FAM169A: variants seen among roughly 807,000 people sequenced by gnomAD.
FAM169A encodes family with sequence similarity 169 member A, also known as soluble lamin-associated protein of 75 kDa.
Under a neutral mutation model 75.7 loss-of-function variants are expected in FAM169A, and 24 were observed. The observed-to-expected ratio is 0.32, with a 90% CI of 0.23 to 0.45. FAM169A has a LOEUF of 0.45. FAM169A is among the 20% of genes least tolerant of loss of function. FAM169A has a pLI of 1.00. For missense variants in FAM169A, 673 were observed against 784.0 expected (o/e 0.86, Z 1.69); for synonymous variants, 271 against 271.0 (o/e 1.00, Z 0.00).
At chr5:74,804,737 G>A (rs949018528) in intron 7 of FAM169A, 132 bp from the exon 8 acceptor site, 3 of 538,772 alleles carry the variant, frequency 5.6e-6, no homozygotes, top group African/African-American at 3.8e-5. Context: ...GGTGTGAGAT[G>A]TTCTCTTCAC....
intron 4 of FAM169A, among the ~76,000 whole-genome samples, chr5:74,834,926 C>G (rs1221870871): frequency 6.6e-6 from 1 of 151,510 alleles, no homozygotes; most frequent in African/African-American, 2.4e-5. Flanking sequence ...CTGCCCAGAT[C>G]CAGGGTCTTA....
rs1333118040 is a variant in FAM169A at position 74,805,203 on chromosome 5, C to T, written c.752G>A (p.Arg251Gln). Residue 251 changes from arginine to glutamine, a missense_variant, in exon 7 of 13, where the codon CGA becomes CAA. Transcript: ENST00000687041. ...TTGTAATGCTCTGGTGACTGGTATT[C>T]GCTGGTACCAGTGTCCAACACCTTC... ...EVEGVGHWYQ[R>Q]IPVTRALQRE... is the part of the protein sequence containing the mutation. The T allele has an allele frequency of 6.2e-6, 10 of 1,611,342 alleles. No homozygotes were observed. The highest frequency in any genetic ancestry group is 1.7e-5 in the Admixed American group (1 of 59,988).
In FAM169A at chr5:74,814,843, G is replaced by A. The variant is rs144307155; in HGVS notation, c.491-824C>T. Reference sequence around the variant, plus strand: ...AACGTGGTGGTGTGTCATACTTCCTGTTAATTTTAGAATTCATAGTTATCA... The same window carrying A: ...AACGTGGTGGTGTGTCATACTTCCTATTAATTTTAGAATTCATAGTTATCA... On this transcript the variant is annotated intron_variant, in intron 5 of 12. Coordinates refer to ENST00000687041, the MANE Select transcript of FAM169A (RefSeq NM_001376049.1). Among the ~76,000 whole-genome samples, 205 of 152,192 alleles carry A rather than the reference G, an allele frequency of 1.3e-3. 1 individual carries two copies. Among genetic ancestry groups the A allele is most frequent in the African/African-American group, 4.8e-3 (201 of 41,538 alleles).
intron 10 of FAM169A, 122 bp from the exon 11 acceptor site, chr5:74,796,308 A>C: frequency 4.7e-6 from 4 of 848,638 alleles, no homozygotes; most frequent in Non-Finnish European, 3.5e-6. Flanking sequence ...TTCAGATTTT[A>C]CAAGTCTAAA....
At chr5:74,828,443 G>C (rs574491847) in intron 5 of FAM169A, among the ~76,000 whole-genome samples, 1 of 152,058 alleles carries the variant, frequency 6.6e-6, no homozygotes, top group South Asian at 2.1e-4. Flanking sequence ...TTTGTAAAAT[G>C]GGAGAAGGAA....
intron 11 of FAM169A, among the ~76,000 whole-genome samples, chr5:74,786,921 C>G (rs1745725097): frequency 6.6e-6 from 1 of 152,158 alleles, no homozygotes; most frequent in African/African-American, 2.4e-5. Flanking sequence ...GCTGGGGACA[C>G]AGAGCTTGTA....
intron 5 of FAM169A, among the ~76,000 whole-genome samples, chr5:74,817,992 T>C (rs1187117112): frequency 2.0e-5 from 3 of 152,194 alleles, no homozygotes; most frequent in African/African-American, 7.2e-5. Flanking sequence ...TAGAATCATA[T>C]ACAAATTTTA....
chr5:74,815,335 G>A (rs575162751), intron 5 of FAM169A, among the ~76,000 whole-genome samples: 25 of 151,744 alleles, frequency 1.6e-4, no homozygotes, highest in South Asian at 8.3e-4. Flanking sequence ...GATTACAGGC[G>A]CCCGCCACCA....
intron 11 of FAM169A, among the ~76,000 whole-genome samples, chr5:74,787,037 A>G (rs149369634): frequency 1.6e-4 from 25 of 152,214 alleles, no homozygotes; most frequent in African/African-American, 5.3e-4. Flanking sequence ...TAGACCTATA[A>G]CTGGACTAAA....
rs537088774 is a variant in FAM169A at position 74,786,765 on chromosome 5, A to G, written c.1261-3631T>C. On this transcript the variant is annotated intron_variant, in intron 11 of 12. Transcript: ENST00000687041. ...GCTGAAATTGTGGAAAATCAGACACAACCTCTTATCATGTAAGTGGCTGAC... is the reference window on the plus strand; with the variant it reads ...GCTGAAATTGTGGAAAATCAGACACGACCTCTTATCATGTAAGTGGCTGAC... Among the ~76,000 whole-genome samples the G allele has an allele frequency of 2.0e-5, 3 of 152,304 alleles. No individual in the cohort carries two copies. The East Asian group carries it at 5.8e-4, about 29-fold the overall frequency.
In FAM169A at chr5:74,804,574, C is replaced by A; in HGVS notation, c.831G>T (p.Met277Ile). 1.2e-6 allele frequency: 2 copies of A among 1,610,094 alleles called. No individual in the cohort carries two copies. Among genetic ancestry groups the A allele is most frequent in the Non-Finnish European group, 8.5e-7 (1 of 1,177,462 alleles). ...ALSQNEPKRP[M>I]SGEYGPASVP... ...CAGATGCAGGACCATATTCTCCAGA[C>A]ATAGGTCTTTTAGGTTCATTTTGAG... Residue 277 changes from methionine to isoleucine, a missense_variant, in exon 8 of 13, where the codon ATG becomes ATT. Met to Ile is a conservative substitution (Grantham distance 10). Coordinates refer to ENST00000687041, the MANE Select transcript of FAM169A (RefSeq NM_001376049.1).
upstream of FAM169A, chr5:74,866,398 C>A (rs568322431): frequency 6.1e-6 from 6 of 982,764 alleles, no homozygotes; most frequent in Non-Finnish European, 7.2e-6. Context: ...AGCGCCGCAG[C>A]GCCTCCAGCC....
intron 2 of FAM169A, 64 bp downstream of exon 2, chr5:74,841,481 G>T (rs986555752): frequency 1.6e-6 from 2 of 1,236,806 alleles, no homozygotes; most frequent in East Asian, 2.6e-5. Context: ...TTTAAAAAAG[G>T]ATATTTATTT....
At chr5:74,788,824 A>C (rs1745827682) in intron 11 of FAM169A, among the ~76,000 whole-genome samples, 2 of 152,108 alleles carry the variant, frequency 1.3e-5, no homozygotes, top group Non-Finnish European at 2.9e-5. Flanking sequence ...CCATCACATC[A>C]CGGTTCAACT....
chr5:74,847,732 G>A (rs956205270), intron 1 of FAM169A, among the ~76,000 whole-genome samples: 1 of 152,154 alleles, frequency 6.6e-6, no homozygotes, highest in Non-Finnish European at 1.5e-5. Context: ...TCAAAGGCAA[G>A]TAGAATATCA....
intron 1 of FAM169A, among the ~76,000 whole-genome samples, chr5:74,845,211 C>T (rs1031617508): frequency 1.3e-5 from 2 of 152,010 alleles, no homozygotes; most frequent in African/African-American, 2.4e-5. Context: ...AAGTTAAGTC[C>T]TAAGGACTTT....
At chr5:74,811,061 C>T (rs1747169772) in intron 6 of FAM169A, among the ~76,000 whole-genome samples, 1 of 148,946 alleles carries the variant, frequency 6.7e-6, no homozygotes, top group Admixed American at 6.8e-5. Flanking sequence ...TGGCTCACCA[C>T]AAATTCTGCC....
In FAM169A at chr5:74,800,997, C is replaced by G. The variant is rs368190713; in HGVS notation, c.986G>C (p.Arg329Pro). 3 of 1,565,842 alleles carry G rather than the reference C, an allele frequency of 1.9e-6. No individual in the cohort carries two copies. The highest frequency in any genetic ancestry group is 1.8e-5 in the Admixed American group (1 of 54,106). Residue 329 changes from arginine (R) to proline (P), a missense_variant, in exon 10 of 13, where the codon CGA (arginine) becomes CCA (proline). Physicochemically the swap from Arg to Pro is moderately radical, Grantham distance 103 (BLOSUM62 -2). Coordinates refer to ENST00000687041, the MANE Select transcript of FAM169A (RefSeq NM_001376049.1). Reference protein sequence around the residue: ...HDKTSVSTHTRSGNLKRPKIG... With the variant: ...HDKTSVSTHTPSGNLKRPKIG... ...CTTTGGCCGCTTTAGATTACCACTT[C>G]GAGTATGAGTGGAAACAGATGTTTT...
At chr5:74,863,871 T>C (rs113086670) in intron 1 of FAM169A, among the ~76,000 whole-genome samples, 7 of 152,094 alleles carry the variant, frequency 4.6e-5, no homozygotes, top group Middle Eastern at 3.4e-3. Flanking sequence ...CACTGTTATT[T>C]GCTAGAAAAA....
Sources: allele counts gnomAD v4.1 joint callset (sites outside exome capture counted in the v4.1 genomes callset), GRCh38; gene constraint gnomAD v4.1.1; transcripts MANE v1.5; gene names NCBI Gene and HGNC (gene_info 2026-07-23, HGNC 2026-07-21).